Variants in DDX60L observed in about 807,000 individuals in gnomAD.
DDX60L encodes DExD/H-box 60 like.
In DDX60L, 191 loss-of-function variants were observed where a neutral mutation model predicts 211.6. That is an observed-to-expected ratio of 0.90 (90% CI 0.80 to 1.02). The LOEUF (loss-of-function observed/expected upper bound fraction) is 1.02. Among genes scored for constraint, DDX60L ranks in the 50% least tolerant of loss-of-function variants. The pLI is 0.00. For synonymous variants in DDX60L, 706 were observed against 694.1 expected (o/e 1.02, Z -0.27); for missense variants, 2,007 against 1,984.1 (o/e 1.01, Z -0.22).
chr4:168,407,150 T>C (rs1266360303), intron 22 of DDX60L, among the ~76,000 whole-genome samples: 1 of 152,124 alleles, frequency 6.6e-6, no homozygotes, highest in Non-Finnish European at 1.5e-5. Context: ...ATTTTATGGG[T>C]ACCAAGCCAC....
intron 36 of DDX60L, among the ~76,000 whole-genome samples, chr4:168,368,229 T>G (rs907477249): frequency 5.9e-5 from 9 of 152,218 alleles, no homozygotes; most frequent in Admixed American, 2.0e-4. Flanking sequence ...AGGGTCCCTG[T>G]GCTGTGTGCA....
chr4:168,359,549 C>T (rs1738746191), intron 37 of DDX60L, among the ~76,000 whole-genome samples: 1 of 152,176 alleles, frequency 6.6e-6, no homozygotes, highest in Non-Finnish European at 1.5e-5. Flanking sequence ...CATTTTCTCT[C>T]ACCTGGAATA....
intron 10 of DDX60L, among the ~76,000 whole-genome samples, chr4:168,438,675 C>T (rs892537589): frequency 1.3e-5 from 2 of 152,092 alleles, no homozygotes; most frequent in Non-Finnish European, 2.9e-5. Flanking sequence ...GCTTGTGGTG[C>T]TTTGTGACAG....
chr4:168,397,894 A>AAGCTGC (rs1325901001), intron 26 of DDX60L, among the ~76,000 whole-genome samples: 2 of 152,110 alleles, frequency 1.3e-5, no homozygotes, highest in Non-Finnish European at 2.9e-5. Flanking sequence ...GTAGCCACCC[A>AAGCTGC]AGCTGCAGCT....
intron 14 of DDX60L, among the ~76,000 whole-genome samples, chr4:168,426,437 T>C (rs538202962): frequency 6.2e-4 from 94 of 152,230 alleles, no homozygotes; most frequent in African/African-American, 2.2e-3. Flanking sequence ...GCTAAGGAAA[T>C]CTACACTTAG....
chr4:168,471,029 A>G (rs1758695767), intron 4 of DDX60L, among the ~76,000 whole-genome samples: 1 of 152,198 alleles, frequency 6.6e-6, no homozygotes, highest in Admixed American at 6.5e-5. Context: ...GGTAAATACT[A>G]TGCACGTGCC....
At chr4:168,424,639 A>G (rs1231112171) in intron 14 of DDX60L, among the ~76,000 whole-genome samples, 1 of 152,136 alleles carries the variant, frequency 6.6e-6, no homozygotes, top group African/African-American at 2.4e-5. Context: ...GAGTCATAGA[A>G]GCAGTGTTAT....
In DDX60L at chr4:168,379,744, C is replaced by G; in HGVS notation, c.4203G>C (p.Leu1401Phe). 1 of 1,612,782 alleles carries G rather than the reference C, an allele frequency of 6.2e-7. No homozygotes were observed. The highest frequency in any genetic ancestry group is 8.5e-7 in the Non-Finnish European group (1 of 1,179,270). The change falls in exon 31 of 38, where the codon TTG (leucine) becomes TTC (phenylalanine). Residue 1401 changes from leucine (L) to phenylalanine (F), a missense_variant. Transcript: ENST00000682922. ...ETLKLYFLFS[L>F]QLLIKEDYLN... is the part of the protein sequence containing the mutation. ...ATGATACCTCTTTGATAAGGAGCTG[C>G]AAGGAAAACAAAAAGTAAAGTTTCA... is the stretch of plus-strand genomic sequence containing the variant.
chr4:168,423,454 G>A (rs1750966570), intron 15 of DDX60L, among the ~76,000 whole-genome samples, 154 bp downstream of exon 15: 1 of 152,008 alleles, frequency 6.6e-6, no homozygotes, highest in South Asian at 2.1e-4. Context: ...TTATTAATAA[G>A]TAATCTCATA....
chr4:168,425,761 C>A (rs1480750241), intron 14 of DDX60L, among the ~76,000 whole-genome samples: 2 of 151,534 alleles, frequency 1.3e-5, no homozygotes, highest in Non-Finnish European at 2.9e-5. Context: ...AGTGAGACTC[C>A]ATCCCAAAAA....
At chr4:168,423,557 A>C in intron 15 of DDX60L, 51 bp downstream of exon 15, 1 of 1,339,214 alleles carries the variant, frequency 7.5e-7, no homozygotes, top group Non-Finnish European at 1.0e-6. Flanking sequence ...TTATTCTTCC[A>C]TATTAAAATT....
chr4:168,455,664 G>T (rs556103403), intron 7 of DDX60L, among the ~76,000 whole-genome samples: 1 of 152,118 alleles, frequency 6.6e-6, no homozygotes, highest in Non-Finnish European at 1.5e-5. Context: ...GAAACACAGC[G>T]TATAGTGGGG....
At chr4:168,418,168 A>G (rs1749890550) in intron 19 of DDX60L, among the ~76,000 whole-genome samples, 1 of 152,162 alleles carries the variant, frequency 6.6e-6, no homozygotes, top group Middle Eastern at 3.2e-3. Context: ...CCCGGGTTCA[A>G]GTGATTTTCC....
chr4:168,422,272 G>A (rs1750753530), intron 16 of DDX60L, among the ~76,000 whole-genome samples: 1 of 152,176 alleles, frequency 6.6e-6, no homozygotes, highest in South Asian at 2.1e-4. Flanking sequence ...GTAAGAACTA[G>A]TAATGCCACA....
rs1759804748 is a variant in DDX60L at position 168,477,882 on chromosome 4, G to A, written c.-111+2495C>T. 3.9e-5 allele frequency among the ~76,000 whole-genome samples: 6 copies of A among 152,300 alleles called. No homozygotes were observed. The South Asian group carries it at 1.2e-3, about 32-fold the overall frequency. ...GAGGAGCTATGACCAAGGAAGAATGGGAAAGAGAAATGTCTTAAGAAGGAA... is the reference window on the plus strand; with the variant it reads ...GAGGAGCTATGACCAAGGAAGAATGAGAAAGAGAAATGTCTTAAGAAGGAA... On this transcript the variant is annotated intron_variant, in intron 1 of 37. Transcript: ENST00000682922.
chr4:168,369,417 T>C (rs1338395649), intron 36 of DDX60L, among the ~76,000 whole-genome samples: 1 of 151,704 alleles, frequency 6.6e-6, no homozygotes, highest in African/African-American at 2.4e-5. Flanking sequence ...CTTTTTAAAT[T>C]GCCCAGTCTT....
intron 24 of DDX60L, among the ~76,000 whole-genome samples, chr4:168,405,334 C>A (rs1579422358): frequency 6.6e-6 from 1 of 152,112 alleles, no homozygotes; most frequent in Non-Finnish European, 1.5e-5. Context: ...ATCTTTATTT[C>A]TTTCACCACC....
intron 9 of DDX60L, among the ~76,000 whole-genome samples, chr4:168,447,925 G>A (rs1379451013): frequency 6.7e-6 from 1 of 149,966 alleles, no homozygotes; most frequent in African/African-American, 2.4e-5. Context: ...TATACCTAAT[G>A]CTAGATGACG....
At chr4:168,418,099 T>C (rs562547400) in intron 19 of DDX60L, among the ~76,000 whole-genome samples, 3 of 152,136 alleles carry the variant, frequency 2.0e-5, no homozygotes, top group Admixed American at 6.6e-5. Context: ...TGGAGTTTCG[T>C]TATTGTTGCC....
Sources: allele counts gnomAD v4.1 joint callset (sites outside exome capture counted in the v4.1 genomes callset), GRCh38; gene constraint gnomAD v4.1.1; transcripts MANE v1.5; gene names NCBI Gene and HGNC (gene_info 2026-07-23, HGNC 2026-07-21).